C10orf90: variants seen among roughly 807,000 people sequenced by gnomAD.
The protein encoded by C10orf90 is (E2-independent) E3 ubiquitin-conjugating enzyme FATS.
In C10orf90, 56 loss-of-function variants were observed where a neutral mutation model predicts 62.5. The observed-to-expected ratio is 0.90, with a 90% CI of 0.72 to 1.12. The LOEUF (loss-of-function observed/expected upper bound fraction) is 1.12. Ranked by LOEUF, C10orf90 falls within the 50% of genes most tolerant of loss-of-function variation. C10orf90 has a pLI of 0.00. For missense variants in C10orf90, 970 were observed against 880.4 expected, an observed-to-expected ratio of 1.10 and a Z score of -1.29; for synonymous variants, 386 against 340.4, an observed-to-expected ratio of 1.13 and a Z score of -1.47.
intron 5 of C10orf90, chr10:126,463,406 T>C (rs1031655268): frequency 2.0e-5 from 3 of 152,262 alleles, no homozygotes; most frequent in Admixed American, 1.3e-4. Context: ...TAGTTTCCTC[T>C]TGAGCAAATC....
chr10:126,574,469 T>C (rs61051251), intron 2 of C10orf90, among the ~76,000 whole-genome samples: 5,165 of 151,926 alleles, frequency 0.034, 296 homozygotes, highest in African/African-American at 0.12. Flanking sequence ...TTTCATAAGA[T>C]GGAAAAATTA....
chr10:126,594,514 A>G (rs981490277), intron 2 of C10orf90, among the ~76,000 whole-genome samples: 1 of 152,184 alleles, frequency 6.6e-6, no homozygotes, highest in African/African-American at 2.4e-5. Flanking sequence ...TAGATGCTAC[A>G]TCCAGGGTGA....
At chr10:126,537,796 A>G (rs1422426378) in intron 2 of C10orf90, among the ~76,000 whole-genome samples, 1 of 152,194 alleles carries the variant, frequency 6.6e-6, no homozygotes, top group Non-Finnish European at 1.5e-5. Flanking sequence ...TTATGGGTTG[A>G]ATTGCATCCC....
intron 8 of C10orf90, among the ~76,000 whole-genome samples, chr10:126,427,031 T>G (rs554463259): frequency 1.3e-5 from 2 of 152,334 alleles, no homozygotes; most frequent in South Asian, 4.1e-4. Flanking sequence ...TTAGGAGACT[T>G]GTATAAAGCC....
intron 2 of C10orf90, among the ~76,000 whole-genome samples, chr10:126,638,092 G>A (rs1287326028): frequency 6.6e-6 from 1 of 152,176 alleles, no homozygotes; most frequent in East Asian, 1.9e-4. Context: ...TGCTGACATG[G>A]AACAGCATTC....
intron 2 of C10orf90, among the ~76,000 whole-genome samples, chr10:126,607,253 C>T (rs1034552486): frequency 6.6e-6 from 1 of 152,184 alleles, no homozygotes; most frequent in East Asian, 1.9e-4. Flanking sequence ...ATTGAGTACC[C>T]TTCATTTTAA....
At chr10:126,433,603 C>T (rs1439556697) in intron 7 of C10orf90, among the ~76,000 whole-genome samples, 7 of 152,136 alleles carry the variant, frequency 4.6e-5, no homozygotes, top group African/African-American at 9.7e-5. Flanking sequence ...ACTACCTGCA[C>T]GCCACCATCT....
chr10:126,532,412 G>A (rs968263729), intron 2 of C10orf90, among the ~76,000 whole-genome samples: 7 of 151,966 alleles, frequency 4.6e-5, no homozygotes, highest in African/African-American at 1.5e-4. Flanking sequence ...CCTGTTTCTT[G>A]GTCCCAGAAA....
chr10:126,547,750 G>A (rs1864535597), intron 2 of C10orf90, among the ~76,000 whole-genome samples: 1 of 152,026 alleles, frequency 6.6e-6, no homozygotes, highest in African/African-American at 2.4e-5. Context: ...GCTCAGTAAA[G>A]AAGCTCAGCA....
intron 3 of C10orf90, 75 bp from the exon 4 acceptor site, chr10:126,505,160 A>T (rs1591032115): frequency 6.8e-7 from 1 of 1,461,858 alleles, no homozygotes; most frequent in Non-Finnish European, 9.1e-7. Flanking sequence ...TTCAAGGGCC[A>T]CCAGGATGCC....
chr10:126,547,752 AG>A (rs1473203397), intron 2 of C10orf90, among the ~76,000 whole-genome samples: 1 of 152,164 alleles, frequency 6.6e-6, no homozygotes, highest in East Asian at 1.9e-4. Flanking sequence ...TCAGTAAAGA[AG>A]CTCAGCAGAA....
chr10:126,550,618 T>C (rs547617596), intron 2 of C10orf90, among the ~76,000 whole-genome samples: 1 of 152,108 alleles, frequency 6.6e-6, no homozygotes, highest in Non-Finnish European at 1.5e-5. Context: ...CAAGGAATCC[T>C]CCCTTCTCAG....
intron 2 of C10orf90, among the ~76,000 whole-genome samples, chr10:126,569,916 G>T (rs1844470952): frequency 1.3e-5 from 2 of 151,954 alleles, no homozygotes; most frequent in South Asian, 4.1e-4. Flanking sequence ...GCTTAAAAAA[G>T]AAAAGAAAAG....
rs1467834891 is a variant in C10orf90, at chr10:126,498,362, C to T, written c.1534+5595G>A. 3.3e-5 allele frequency among the ~76,000 whole-genome samples: 5 copies of T among 152,342 alleles called. No homozygotes were observed. In the South Asian group the frequency reaches 8.3e-4, roughly 25 times the overall value. On this transcript the variant is annotated intron_variant, in intron 4 of 9. Transcript: ENST00000488181. ...CCCTTTCCAAGTCACTGCCCCCACT[C>T]CTGGACAATTGTCCAATATATATTT... is the stretch of plus-strand genomic sequence containing the variant.
chr10:126,632,159 C>T lies in C10orf90; in HGVS notation c.313+14406G>A, dbSNP rs371037876. On this transcript the variant is annotated intron_variant, in intron 2 of 9. Transcript: ENST00000488181. The stretch of plus-strand genomic sequence containing the variant: ...ACGGTAAGTTTCAGGCCAGGTCTGC[C>T]TGACCTTGAGGCCTTTCCACCCCAC... Among the ~76,000 whole-genome samples the T allele has an allele frequency of 5.3e-5, 8 of 152,238 alleles. No homozygotes were observed. The South Asian group carries it at 1.2e-3, about 24-fold the overall frequency.
intron 2 of C10orf90, among the ~76,000 whole-genome samples, chr10:126,609,594 C>A (rs1845388173): frequency 6.6e-6 from 1 of 152,180 alleles, no homozygotes; most frequent in South Asian, 2.1e-4. Flanking sequence ...CTGCCAAGGG[C>A]AGCAGACAGT....
chr10:126,602,968 GGAGA>G (rs369135995), intron 2 of C10orf90, among the ~76,000 whole-genome samples: 3 of 150,858 alleles, frequency 2.0e-5, no homozygotes, highest in Non-Finnish European at 3.0e-5. Flanking sequence ...TGGGGAGAAG[GGAGA>G]GAGAGAGAGA....
intron 7 of C10orf90, among the ~76,000 whole-genome samples, chr10:126,441,552 C>T (rs1354110594): frequency 1.3e-5 from 2 of 152,048 alleles, no homozygotes; most frequent in East Asian, 1.9e-4. Context: ...AAATTCATCT[C>T]AAAAAGATCA....
chr10:126,618,378 C>A (rs73370805), intron 2 of C10orf90, among the ~76,000 whole-genome samples: 7,369 of 152,224 alleles, frequency 0.048, 524 homozygotes, highest in African/African-American at 0.16. Context: ...GACACTGTGT[C>A]CTTACTGAAC....
Sources: allele counts gnomAD v4.1 joint callset (sites outside exome capture counted in the v4.1 genomes callset), GRCh38; gene constraint gnomAD v4.1.1; transcripts MANE v1.5; gene names NCBI Gene and HGNC (gene_info 2026-07-23, HGNC 2026-07-21).